The following EFL1 variants were observed in gnomAD, a reference collection of about 807,000 sequenced individuals.
EFL1 encodes elongation factor like GTPase 1.
Under a neutral mutation model 126.7 loss-of-function variants are expected in EFL1, and 76 were observed. That is an observed-to-expected ratio of 0.60 (90% CI 0.50 to 0.73). EFL1 has a LOEUF of 0.73. Ranked by LOEUF, EFL1 falls within the 30% of genes least tolerant of loss-of-function variation. The pLI, the probability that EFL1 is intolerant of heterozygous loss-of-function variation, is 0.00. For missense variants in EFL1, 1,128 were observed against 1,343.2 expected (o/e 0.84, Z 2.50); for synonymous variants, 410 against 448.4 (o/e 0.91, Z 1.08).
intron 10 of EFL1, 141 bp downstream of exon 10, chr15:82,228,050 C>T: frequency 1.9e-6 from 2 of 1,060,880 alleles, no homozygotes; most frequent in South Asian, 4.0e-5. Flanking sequence ...AATACAGTTT[C>T]ATGGTAGAAC....
At chr15:82,237,329 C>T (rs2141322908) in intron 7 of EFL1, among the ~76,000 whole-genome samples, 1 of 152,216 alleles carries the variant, frequency 6.6e-6, no homozygotes, top group Middle Eastern at 3.4e-3. Flanking sequence ...GAAGAAAACA[C>T]ATTAAGAAAA....
intron 19 of EFL1, 118 bp from the exon 20 acceptor site, chr15:82,130,679 G>T: frequency 9.8e-7 from 1 of 1,020,520 alleles, no homozygotes; most frequent in Non-Finnish European, 1.4e-6. Context: ...GCAATGAACA[G>T]CTAAGCTTGC....
At chr15:82,144,937 G>C (rs911794594) in intron 18 of EFL1, among the ~76,000 whole-genome samples, 9 of 151,644 alleles carry the variant, frequency 5.9e-5, no homozygotes, top group South Asian at 2.1e-4. Flanking sequence ...AGGTTGCAGT[G>C]AGCCAGGATC....
intron 19 of EFL1, among the ~76,000 whole-genome samples, chr15:82,134,192 C>A (rs543258421): frequency 1.3e-5 from 2 of 152,274 alleles, no homozygotes; most frequent in East Asian, 3.9e-4. Context: ...CCTCAACATA[C>A]CCAACAAACT....
At chr15:82,176,253 T>C (rs935733304) in intron 15 of EFL1, among the ~76,000 whole-genome samples, 29 of 152,076 alleles carry the variant, frequency 1.9e-4, no homozygotes, top group African/African-American at 5.1e-4. Flanking sequence ...AATAACAACA[T>C]AGAATATCAC....
chr15:82,157,876 G>A lies in EFL1; in HGVS notation c.1883-16C>T, dbSNP rs552647976. ...GGCATTTCACCTAGGTTAACAAAAC[G>A]AAATAGATTAAATATGATATAAGAA... On this transcript the variant is annotated splice_polypyrimidine_tract_variant and intron_variant, in intron 16 of 19. Coordinates refer to ENST00000268206, the MANE Select transcript of EFL1 (RefSeq NM_024580.6). The A allele has an allele frequency of 1.1e-5, 17 of 1,607,340 alleles. No individual in the cohort carries two copies. In the Admixed American group the frequency reaches 1.9e-4, roughly 17 times the overall value.
Position 82,152,048 on chromosome 15 carries a change from T to G in EFL1, c.2406A>C (p.Glu802Asp). The G allele has an allele frequency of 6.2e-7, 1 of 1,614,190 alleles. No homozygotes were observed. The highest frequency in any genetic ancestry group is 8.5e-7 in the Non-Finnish European group (1 of 1,180,022). Residue 802 changes from glutamate (E) to aspartate (D), a missense_variant, in exon 18 of 20, where the codon GAA becomes GAC. Around this residue, in one of 6 missense-constraint regions of EFL1, gnomAD observed 561 missense variants for 641.7 expected, o/e 0.87. Transcript: ENST00000268206. ...IHQKTQEKIW[E>D]FKGKLEQHLT... ...GGTGTTGCTCCAGTTTTCCTTTGAATTCCCAAATTTTCTCTTGGGTCTTCT... is the reference window on the plus strand; with the variant it reads ...GGTGTTGCTCCAGTTTTCCTTTGAAGTCCCAAATTTTCTCTTGGGTCTTCT...
intron 14 of EFL1, among the ~76,000 whole-genome samples, chr15:82,216,950 T>C (rs2074653820): frequency 6.6e-6 from 1 of 152,026 alleles, no homozygotes; most frequent in Admixed American, 6.6e-5. Context: ...ATCCAGAATA[T>C]ACAAAGGACA....
intron 15 of EFL1, among the ~76,000 whole-genome samples, chr15:82,171,172 A>C (rs1263651470): frequency 6.6e-6 from 1 of 152,220 alleles, no homozygotes; most frequent in Non-Finnish European, 1.5e-5. Flanking sequence ...GATCAAAGAA[A>C]CAGAAAACTA....
rs575480028 is a variant in EFL1, at chr15:82,228,360, G to A, written c.933-33C>T. 2.4e-5 allele frequency: 38 copies of A among 1,601,876 alleles called. No homozygotes were observed. In the South Asian group the frequency reaches 3.7e-4, roughly 16 times the overall value. On this transcript the variant is annotated intron_variant, in intron 9 of 19. Transcript: ENST00000268206. Reference sequence around the variant, plus strand: ...AAACACAAGATTGGAGAGGGGAAATGTCATATGCAGATATAAACAGGCAGT... The same window carrying A: ...AAACACAAGATTGGAGAGGGGAAATATCATATGCAGATATAAACAGGCAGT...
intron 7 of EFL1, among the ~76,000 whole-genome samples, chr15:82,233,275 T>G (rs1036982723): frequency 1.3e-5 from 2 of 152,224 alleles, no homozygotes; most frequent in Non-Finnish European, 2.9e-5. Context: ...TTTTTGTCAT[T>G]AGTTACAATT....
chr15:82,232,760 A>G (rs915574277), intron 7 of EFL1, among the ~76,000 whole-genome samples: 1 of 152,106 alleles, frequency 6.6e-6, no homozygotes, highest in Admixed American at 6.6e-5. Context: ...TATGTAGCAA[A>G]CTTATGGATT....
At chr15:82,252,366 T>C (rs1230168455) in intron 4 of EFL1, among the ~76,000 whole-genome samples, 1 of 152,228 alleles carries the variant, frequency 6.6e-6, no homozygotes, top group East Asian at 1.9e-4. Flanking sequence ...AAATCTAACA[T>C]GCAGGCCAGG....
At chr15:82,205,446 T>C (rs957015576) in intron 15 of EFL1, among the ~76,000 whole-genome samples, 5 of 152,208 alleles carry the variant, frequency 3.3e-5, no homozygotes, top group African/African-American at 1.2e-4. Context: ...CCTTGTATTA[T>C]TGACCATTTA....
chr15:82,157,582 T>C (rs546705872), intron 17 of EFL1, 131 bp downstream of exon 17: 2 of 1,076,268 alleles, frequency 1.9e-6, no homozygotes, highest in South Asian at 1.9e-5. Flanking sequence ...TAACTGTTCA[T>C]GTCTGAATTG....
chr15:82,212,312 T>A (rs1260724856), intron 15 of EFL1, among the ~76,000 whole-genome samples: 2 of 152,182 alleles, frequency 1.3e-5, no homozygotes, highest in Non-Finnish European at 2.9e-5. Flanking sequence ...TATAAAAAAT[T>A]AAAAGTGGCT....
At chr15:82,196,804 C>T (rs1173590370) in intron 15 of EFL1, among the ~76,000 whole-genome samples, 2 of 152,148 alleles carry the variant, frequency 1.3e-5, no homozygotes, top group Admixed American at 6.5e-5. Context: ...GAGGCCAAGG[C>T]GGGCGGATCA....
rs114475778 is a variant in EFL1 at position 82,160,227 on chromosome 15, A to G, written c.1883-2367T>C. ...ATGCAGGACACTCAAACAGTCATGT[A>G]GAGAGGAACTGAGATTCCCCAGCCA... is the stretch of plus-strand genomic sequence containing the variant. On this transcript the variant is annotated intron_variant, in intron 16 of 19. Transcript: ENST00000268206. Among the ~76,000 whole-genome samples the G allele has an allele frequency of 8.6e-3, 1,317 of 152,370 alleles. 13 individuals are homozygous for G. The highest frequency in any genetic ancestry group is 0.03 in the African/African-American group (1,250 of 41,582).
intron 12 of EFL1, among the ~76,000 whole-genome samples, chr15:82,222,767 A>G (rs1359705734): frequency 6.6e-6 from 1 of 152,220 alleles, no homozygotes; most frequent in African/African-American, 2.4e-5. Flanking sequence ...CCTACTAGTG[A>G]GGAAACAGTT....
Sources: gnomAD v4.1 joint callset for allele counts (sites outside exome capture counted in the v4.1 genomes callset) on GRCh38, gnomAD v4.1.1 for gene constraint, gnomAD v4.1.1 regional missense constraint, MANE v1.5 for transcripts, NCBI Gene and HGNC (gene_info 2026-07-23, HGNC 2026-07-21) for gene names.